PTPRN2: variants seen among roughly 807,000 people sequenced by gnomAD.
PTPRN2 encodes protein tyrosine phosphatase receptor type N2, also known as receptor-type tyrosine-protein phosphatase N2.
Under a neutral mutation model 118.8 loss-of-function variants are expected in PTPRN2, and 74 were observed. The observed-to-expected ratio is 0.62, with a 90% confidence interval of 0.52 to 0.76. The LOEUF is 0.76. PTPRN2 is among the 30% of genes least tolerant of loss of function. PTPRN2 has a pLI of 0.00. For missense variants in PTPRN2, 1,481 were observed against 1,394.4 expected (o/e 1.06, Z -0.99); for synonymous variants, 641 against 608.0 (o/e 1.05, Z -0.80).
chr7:157,885,104 CCACA>C (rs1380413840), intron 12 of PTPRN2, among the ~76,000 whole-genome samples: 2 of 152,144 alleles, frequency 1.3e-5, no homozygotes, highest in Non-Finnish European at 2.9e-5. Flanking sequence ...TTTTTCTTCC[CCACA>C]CAGAGTAGTA....
At position 158,412,903 on chromosome 7, in the gene PTPRN2, T is replaced by C. The variant is rs374446695; in HGVS notation, c.163+76832A>G. Among the ~76,000 whole-genome samples the C allele has an allele frequency of 2.0e-3, 151 of 76,272 alleles. 1 individual carries two copies. The South Asian group carries it at 0.069, about 35-fold the overall frequency. 50.0% of individuals were successfully genotyped at this position (76,272 alleles called of 152,430 possible). A position where few individuals can be genotyped will look rare whatever the true frequency, so the allele number is the denominator to read the frequency against. On this transcript the variant is annotated intron_variant, in intron 2 of 22. Coordinates refer to ENST00000389418, the MANE Select transcript of PTPRN2 (RefSeq NM_002847.5). ...CTCCTCAGCACCAGGGCCCATCCAG[T>C]GCCCTCCTCAACACCAGGGCCCATC...
chr7:157,953,370 G>C lies in PTPRN2; in HGVS notation c.1724-54633C>G, dbSNP rs988075499. 2.0e-5 allele frequency among the ~76,000 whole-genome samples: 3 copies of C among 152,094 alleles called. No individual in the cohort carries two copies. Among genetic ancestry groups the C allele is most frequent in the Non-Finnish European group, 4.4e-5 (3 of 68,006 alleles). ...CTGGCAGCACTCCCCGAGCACAGTG[G>C]GAACTCAGGAGCAGGGGCTGGCGGC... On this transcript the variant is annotated intron_variant, in intron 11 of 22. Coordinates refer to ENST00000389418, the MANE Select transcript of PTPRN2 (RefSeq NM_002847.5). The surrounding 1 kb of genome is among the most constrained non-coding windows in gnomAD (Gnocchi z 4.6).
intron 1 of PTPRN2, among the ~76,000 whole-genome samples, chr7:158,528,279 C>G (rs73729679): frequency 0.034 from 5,202 of 152,176 alleles, 304 homozygotes; most frequent in African/African-American, 0.12. Context: ...GGCGGGGGCA[C>G]CCGCCTGGGC....
intron 11 of PTPRN2, among the ~76,000 whole-genome samples, chr7:157,994,227 G>A (rs1038463475): frequency 5.3e-5 from 8 of 152,178 alleles, no homozygotes; most frequent in African/African-American, 1.9e-4. Flanking sequence ...GACTCGCTCT[G>A]AGCCACTTAA....
chr7:157,563,045 C>G (rs1452927755), intron 21 of PTPRN2, among the ~76,000 whole-genome samples: 1 of 129,020 alleles, frequency 7.8e-6, no homozygotes, highest in African/African-American at 3.2e-5. Context: ...GGACCACATG[C>G]TCCCGCATCA....
chr7:157,770,821 C>A (rs1802756996), intron 12 of PTPRN2, among the ~76,000 whole-genome samples: 1 of 152,212 alleles, frequency 6.6e-6, no homozygotes, highest in Admixed American at 6.5e-5. Context: ...GACGCACTTG[C>A]CCCCGAGGTG....
chr7:157,561,258 GT>G (rs1255966367), intron 21 of PTPRN2, among the ~76,000 whole-genome samples: 1 of 152,154 alleles, frequency 6.6e-6, no homozygotes, highest in African/African-American at 2.4e-5. Flanking sequence ...CCGCCCTCTG[GT>G]TCTGCACTGC....
At chr7:158,293,827 A>G (rs1048054774) in intron 3 of PTPRN2, among the ~76,000 whole-genome samples, 3 of 151,494 alleles carry the variant, frequency 2.0e-5, no homozygotes, top group African/African-American at 7.3e-5. Flanking sequence ...CATCAATATC[A>G]CTGTCTTCCA....
At chr7:158,311,408 G>A (rs373152252) in intron 3 of PTPRN2, among the ~76,000 whole-genome samples, 5 of 151,800 alleles carry the variant, frequency 3.3e-5, no homozygotes, top group African/African-American at 4.8e-5. Context: ...GCATGCCAAC[G>A]AGTGACATTT....
chr7:158,392,599 G>A (rs908240716), intron 2 of PTPRN2, among the ~76,000 whole-genome samples: 3 of 152,142 alleles, frequency 2.0e-5, no homozygotes, highest in African/African-American at 4.8e-5. Flanking sequence ...CCGTGGGGGA[G>A]GAGTCAACTC....
At chr7:157,885,776 A>G (rs983362264) in intron 12 of PTPRN2, among the ~76,000 whole-genome samples, 3 of 152,246 alleles carry the variant, frequency 2.0e-5, no homozygotes, top group African/African-American at 4.8e-5. Context: ...TGTGGGGCTC[A>G]GTGTAGGGAG....
chr7:158,382,906 C>T (rs1224706268), intron 2 of PTPRN2, among the ~76,000 whole-genome samples: 1 of 152,146 alleles, frequency 6.6e-6, no homozygotes, highest in Non-Finnish European at 1.5e-5. Context: ...AAAAAGTGCA[C>T]AATAAACATA....
chr7:157,716,558 C>A lies in PTPRN2; in HGVS notation c.1789-33621G>T, dbSNP rs1374797601. 4.0e-4 allele frequency among the ~76,000 whole-genome samples: 27 copies of A among 67,004 alleles called. 2 individuals are homozygous for A. The highest frequency in any genetic ancestry group is 1.7e-3 in the African/African-American group (18 of 10,852). 44.0% of individuals were successfully genotyped at this position (67,004 alleles called of 152,430 possible). A position where few individuals can be genotyped will look rare whatever the true frequency, so the allele number is the denominator to read the frequency against. On this transcript the variant is annotated intron_variant, in intron 12 of 22. Transcript: ENST00000389418. ...ACACTGCCTGGCCACGTAGACTCTG[C>A]AGGAACACTGCCTGGCCACGTAGAC... is the stretch of plus-strand genomic sequence containing the variant.
chr7:158,195,812 C>A (rs1435329610), intron 4 of PTPRN2, among the ~76,000 whole-genome samples: 1 of 152,120 alleles, frequency 6.6e-6, no homozygotes, highest in Admixed American at 6.6e-5. Flanking sequence ...TTGCATTTTC[C>A]TGCTCCTTTT....
chr7:158,560,165 G>T (rs1827287332), intron 1 of PTPRN2, among the ~76,000 whole-genome samples: 1 of 152,224 alleles, frequency 6.6e-6, no homozygotes, highest in Admixed American at 6.5e-5. Context: ...TGAAGACTGG[G>T]TAATAAGTCC....
At chr7:158,276,397 AC>A (rs1474886788) in intron 3 of PTPRN2, among the ~76,000 whole-genome samples, 5 of 15,968 alleles carry the variant, frequency 3.1e-4, no homozygotes, top group African/African-American at 1.1e-3. Context: ...AGGCTGTATC[AC>A]CCCCCACACC....
Position 158,205,259 on chromosome 7 carries a change from C to G in PTPRN2, c.292G>C (p.Asp98His), listed in dbSNP as rs770466774. The G allele has an allele frequency of 6.2e-7, 1 of 1,613,754 alleles. No homozygotes were observed. The highest frequency in any genetic ancestry group is 8.5e-7 in the Non-Finnish European group (1 of 1,179,934). ...TCCATCACATACTGAGTATAGTCAT[C>G]CTGCCACGTGAAACCTGTGGACAAA... ...KLSGTGFTWQ[D>H]DYTQYVMDQE... Residue 98 changes from aspartate (D) to histidine (H), a missense_variant, in exon 4 of 23, where the codon GAT (aspartate) becomes CAT (histidine). Physicochemically the swap from Asp to His is moderately conservative, Grantham distance 81 (BLOSUM62 -1). Coordinates refer to ENST00000389418, the MANE Select transcript of PTPRN2 (RefSeq NM_002847.5).
At chr7:157,849,653 A>T (rs1809127836) in intron 12 of PTPRN2, among the ~76,000 whole-genome samples, 1 of 152,234 alleles carries the variant, frequency 6.6e-6, no homozygotes, top group Non-Finnish European at 1.5e-5. Flanking sequence ...CTAAATGGGC[A>T]GTCTGGGTCC....
intron 11 of PTPRN2, among the ~76,000 whole-genome samples, chr7:157,973,682 G>A (rs1802512840): frequency 6.6e-6 from 1 of 152,180 alleles, no homozygotes; most frequent in Non-Finnish European, 1.5e-5. Context: ...TCAGGTAATG[G>A]CCAAGATATA....
Sources: allele counts gnomAD v4.1 joint callset (sites outside exome capture counted in the v4.1 genomes callset), GRCh38; gene constraint gnomAD v4.1.1; non-coding constraint Gnocchi (gnomAD v3.1); transcripts MANE v1.5; gene names NCBI Gene and HGNC (gene_info 2026-07-23, HGNC 2026-07-21).